PRKAR1B: variants seen among roughly 807,000 people sequenced by gnomAD.
PRKAR1B encodes protein kinase cAMP-dependent type I regulatory subunit beta.
A neutral mutation model predicts 46.5 loss-of-function variants in PRKAR1B; 22 were observed. That is an observed-to-expected ratio of 0.47 (90% CI 0.34 to 0.68). The LOEUF is 0.68. Among genes scored for constraint, PRKAR1B ranks in the 30% least tolerant of loss-of-function variants. PRKAR1B has a pLI of 0.01. For synonymous variants in PRKAR1B, 259 were observed against 217.7 expected (o/e 1.19, Z -1.67); for missense variants, 445 against 535.6 (o/e 0.83, Z 1.67).
At chr7:664,499 C>T (rs2128497753) in intron 4 of PRKAR1B, among the ~76,000 whole-genome samples, 1 of 152,328 alleles carries the variant, frequency 6.6e-6, no homozygotes, top group African/African-American at 2.4e-5. Context: ...CCACGTGCAG[C>T]ATCTCAGCCC....
intron 9 of PRKAR1B, among the ~76,000 whole-genome samples, chr7:568,083 G>T (rs1008950600): frequency 6.6e-6 from 1 of 152,110 alleles, no homozygotes; most frequent in African/African-American, 2.4e-5. Context: ...TTTTAAAAGG[G>T]CCTGGCCACT....
chr7:641,163 A>G (rs911362449), intron 4 of PRKAR1B, among the ~76,000 whole-genome samples: 37 of 152,136 alleles, frequency 2.4e-4, no homozygotes, highest in African/African-American at 8.4e-4. Flanking sequence ...CGTGTTGGCC[A>G]GGATGGTCTC....
At chr7:606,767 C>CGT (rs71546453) in intron 5 of PRKAR1B, among the ~76,000 whole-genome samples, 68,879 of 148,194 alleles carry the variant, frequency 0.46, 16,603 homozygotes, top group South Asian at 0.64. Context: ...GAATTTTATG[C>CGT]GTGTGTGTGT....
chr7:601,547 G>C (rs562118484), intron 6 of PRKAR1B, among the ~76,000 whole-genome samples: 249 of 152,336 alleles, frequency 1.6e-3, no homozygotes, highest in African/African-American at 5.6e-3. Context: ...CGGGCCCTGC[G>C]GATTTACCCT....
chr7:626,693 A>G (rs989710789), intron 4 of PRKAR1B, among the ~76,000 whole-genome samples: 19 of 148,086 alleles, frequency 1.3e-4, no homozygotes, highest in African/African-American at 4.3e-4. Context: ...ATCTTGGAGG[A>G]AAAAAAAAAG....
chr7:597,317 G>A (rs1421557030), intron 6 of PRKAR1B, among the ~76,000 whole-genome samples: 3 of 152,210 alleles, frequency 2.0e-5, no homozygotes, highest in Non-Finnish European at 4.4e-5. Flanking sequence ...GGCCACGCAG[G>A]TGTAACTCCA....
chr7:618,343 T>C (rs1782944528), intron 4 of PRKAR1B, among the ~76,000 whole-genome samples: 1 of 152,340 alleles, frequency 6.6e-6, no homozygotes, highest in East Asian at 1.9e-4. Flanking sequence ...ACTCAGTTCA[T>C]GCCGCTCTGT....
intron 2 of PRKAR1B, chr7:691,425 G>GTGGC: frequency 8.5e-7 from 1 of 1,175,682 alleles, no homozygotes; most frequent in Non-Finnish European, 1.1e-6. Context: ...GTGCAGGAGG[G>GTGGC]TGGCTTTGAT....
chr7:695,663 T>G (rs1779693143), intron 2 of PRKAR1B, among the ~76,000 whole-genome samples: 1 of 151,122 alleles, frequency 6.6e-6, no homozygotes, highest in Admixed American at 6.6e-5. Flanking sequence ...TTGTTTTTTT[T>G]GTTTTTTGTT....
At chr7:683,953 G>A (rs984877770) in intron 2 of PRKAR1B, among the ~76,000 whole-genome samples, 2 of 152,130 alleles carry the variant, frequency 1.3e-5, no homozygotes, top group African/African-American at 4.8e-5. Flanking sequence ...ACCTCCACGT[G>A]CACTGATGCC....
At chr7:708,840 C>T (rs951266922) in intron 2 of PRKAR1B, among the ~76,000 whole-genome samples, 2 of 149,974 alleles carry the variant, frequency 1.3e-5, no homozygotes, top group African/African-American at 4.9e-5. Flanking sequence ...TCGCCCAGGC[C>T]AGAGTGCAGT....
At chr7:662,734 C>T (rs371537323) in intron 4 of PRKAR1B, among the ~76,000 whole-genome samples, 1 of 152,226 alleles carries the variant, frequency 6.6e-6, no homozygotes, top group African/African-American at 2.4e-5. Context: ...CTACTCTCCC[C>T]ATGCCTGAGC....
At chr7:698,958 C>T (rs146068602) in intron 2 of PRKAR1B, among the ~76,000 whole-genome samples, 2 of 152,366 alleles carry the variant, frequency 1.3e-5, no homozygotes, top group East Asian at 1.9e-4. Flanking sequence ...GAGGGCAGCA[C>T]CCCAGCTCCA....
intron 7 of PRKAR1B, among the ~76,000 whole-genome samples, chr7:592,150 A>C (rs1343015825): frequency 6.6e-6 from 1 of 152,078 alleles, no homozygotes; most frequent in African/African-American, 2.4e-5. Flanking sequence ...CCACGTGCAC[A>C]CTGTGTGACC....
At chr7:618,691 C>G (rs919477258) in intron 4 of PRKAR1B, among the ~76,000 whole-genome samples, 1 of 152,196 alleles carries the variant, frequency 6.6e-6, no homozygotes, top group Non-Finnish European at 1.5e-5. Context: ...GGCTTCTCCT[C>G]TGGTTGTGTT....
chr7:693,267 A>G (rs1221673357), intron 2 of PRKAR1B, among the ~76,000 whole-genome samples: 2 of 149,706 alleles, frequency 1.3e-5, no homozygotes, highest in Non-Finnish European at 3.0e-5. Flanking sequence ...TTGAGGTAAA[A>G]GTCACATAAC....
At position 701,284 on chromosome 7, in the gene PRKAR1B, GAGAA is replaced by G. The variant is rs564658515; in HGVS notation, c.177+10041_177+10044del. On this transcript the variant is annotated intron_variant, in intron 2 of 10. Coordinates refer to ENST00000537384, the MANE Select transcript of PRKAR1B (RefSeq NM_001164760.2). Reference sequence around the variant, plus strand: ...AAGAAGGAAAAAAGAAAGAAAGAAAGAGAAAGAAAGAAAGAAAAAGAAAGAAAGA... The same window carrying G: ...AAGAAGGAAAAAAGAAAGAAAGAAAGAGAAAGAAAGAAAAAGAAAGAAAGA... 5.6e-3 allele frequency among the ~76,000 whole-genome samples: 829 copies of G among 147,396 alleles called. 7 individuals are homozygous for G. The highest frequency in any genetic ancestry group is 9.3e-3 in the African/African-American group (374 of 40,038).
chr7:703,934 A>G lies in PRKAR1B; in HGVS notation c.177+7395T>C, dbSNP rs1167368174. ...AGAGATATCAAAAAAATCCCCAAAT[A>G]TTTGGAAATTAGACAACAAATTTCT... On this transcript the variant is annotated intron_variant, in intron 2 of 10. Transcript: ENST00000537384. Among the ~76,000 whole-genome samples, 10 of 152,344 alleles carry G rather than the reference A, an allele frequency of 6.6e-5. No homozygotes were observed. In the East Asian group the frequency reaches 1.7e-3, roughly 26 times the overall value.
intron 1 of PRKAR1B, among the ~76,000 whole-genome samples, chr7:724,129 G>C (rs1352509944): frequency 2.0e-5 from 3 of 152,078 alleles, no homozygotes; most frequent in African/African-American, 7.2e-5. Flanking sequence ...ATGAATTTTG[G>C]GGAGACGCCA....
Sources: allele counts gnomAD v4.1 joint callset (sites outside exome capture counted in the v4.1 genomes callset), GRCh38; gene constraint gnomAD v4.1.1; transcripts MANE v1.5; gene names NCBI Gene and HGNC (gene_info 2026-07-23, HGNC 2026-07-21).